The following TLCD5 variants were observed in gnomAD, a reference collection of about 807,000 sequenced individuals.
The protein encoded by TLCD5 is TLC domain-containing protein 5.
A neutral mutation model predicts 20.5 loss-of-function variants in TLCD5; 15 were observed. That is an observed-to-expected ratio of 0.73 (90% confidence interval 0.49 to 1.13). TLCD5 has a LOEUF of 1.13. Among genes scored for constraint, TLCD5 ranks in the 50% most tolerant of loss-of-function variants. The probability of loss-of-function intolerance (pLI) is 0.00; values close to 1 mark genes in which losing one functional copy is unlikely to be tolerated. For synonymous variants in TLCD5, 107 were observed against 114.7 expected, an observed-to-expected ratio of 0.93 and a Z score of 0.43; for missense variants, 289 against 305.6, an observed-to-expected ratio of 0.95 and a Z score of 0.41.
At chr11:120,325,657 A>C (rs559758944) in intron 1 of TLCD5, among the ~76,000 whole-genome samples, 45 of 152,222 alleles carry the variant, frequency 3.0e-4, no homozygotes, top group Non-Finnish European at 5.4e-4. Context: ...GCTCGCCGCC[A>C]GCCACGCCTG....
intron 2 of TLCD5, among the ~76,000 whole-genome samples, chr11:120,328,708 T>C (rs1942061125): frequency 3.3e-5 from 5 of 150,996 alleles, no homozygotes; most frequent in Non-Finnish European, 4.4e-5. Flanking sequence ...TGTGTGTGTG[T>C]ATGTTTATGT....
rs1565399900 is a variant in TLCD5 at position 120,328,677 on chromosome 11, T to TTGTGTGTG, written c.199+1037_199+1038insTGTGTGTG. On this transcript the variant is annotated intron_variant, in intron 2 of 2. Transcript: ENST00000375095. ...TAATCCCTTCTAAGGATAACAGTCA[T>TTGTGTGTG]AGTGTGTGTGTGTGTGTGTGTGTGT... Among the ~76,000 whole-genome samples the TTGTGTGTG allele has an allele frequency of 2.8e-4, 26 of 91,768 alleles. 1 individual carries two copies. Among genetic ancestry groups the TTGTGTGTG allele is most frequent in the African/African-American group, 1.3e-3 (26 of 19,912 alleles). 60.2% of individuals were successfully genotyped at this position (91,768 alleles called of 152,430 possible).
At chr11:120,329,838 C>T in intron 2 of TLCD5, 139 bp from the exon 3 acceptor site, 1 of 803,596 alleles carries the variant, frequency 1.2e-6, no homozygotes, top group Non-Finnish European at 2.0e-6. Context: ...TTCTTTGGTC[C>T]TCATTAAAAA....
intron 2 of TLCD5, among the ~76,000 whole-genome samples, chr11:120,329,565 A>T (rs1942102123): frequency 6.6e-6 from 1 of 152,244 alleles, no homozygotes; most frequent in African/African-American, 2.4e-5. Context: ...AAGCTGAGAA[A>T]AAAATCTGAC....
At chr11:120,328,563 G>A (rs765808861) in intron 2 of TLCD5, among the ~76,000 whole-genome samples, 1 of 151,054 alleles carries the variant, frequency 6.6e-6, no homozygotes, top group Non-Finnish European at 1.5e-5. Flanking sequence ...GCACATGGCC[G>A]CTCTCCCACT....
intron 1 of TLCD5, 182 bp from the exon 2 acceptor site, chr11:120,327,259 G>T: frequency 9.1e-7 from 1 of 1,095,748 alleles, no homozygotes; most frequent in Non-Finnish European, 1.3e-6. Flanking sequence ...TGAGGAACTT[G>T]GAATGATAAA....
intron 2 of TLCD5, among the ~76,000 whole-genome samples, chr11:120,328,229 G>A (rs1167935468): frequency 1.3e-5 from 2 of 151,878 alleles, no homozygotes; most frequent in East Asian, 1.9e-4. Context: ...ACAGGTGCCC[G>A]CCACCATGCC....
rs1490350633 is a variant in TLCD5, at chr11:120,332,376, T to A, written c.*1861T>A. On this transcript the variant is annotated 3_prime_UTR_variant, in exon 3 of 3. Coordinates refer to ENST00000375095, the MANE Select transcript of TLCD5 (RefSeq NM_001198671.2). This position sits in a 1 kb window ranked among gnomAD's most constrained non-coding sequence, Gnocchi z 4.2. ...TATTTATGTATTTATTGATTATTTA[T>A]TTTTACCATGTTATTGAAGTCAATG... The A allele has an allele frequency of 2.0e-5, 3 of 152,230 alleles. No individual in the cohort carries two copies. The highest frequency in any genetic ancestry group is 4.4e-5 in the Non-Finnish European group (3 of 68,034). The allele number at this position is 152,230 out of a possible 1,614,324, so 9.4% of individuals were successfully genotyped here. A position where few individuals can be genotyped will look rare whatever the true frequency, so the allele number is the denominator to read the frequency against.
At chr11:120,327,390 T>C in intron 1 of TLCD5, 51 bp from the exon 2 acceptor site, 1 of 1,613,668 alleles carries the variant, frequency 6.2e-7, no homozygotes, top group Non-Finnish European at 8.5e-7. Flanking sequence ...CCCAGTGCTG[T>C]TTTCTTAGGG....
At position 120,327,555 on chromosome 11, in the gene TLCD5, G is replaced by T. The variant is rs1036675803; in HGVS notation, c.114G>T (p.Leu38=). ...KHRSYEWSCR[L]VTFTHGVLSI... The stretch of plus-strand genomic sequence containing the variant: ...GAAGCTATGAGTGGAGCTGCCGCCT[G>T]GTCACCTTCACCCATGGAGTCCTCT... The change falls in exon 2 of 3, where the codon CTG becomes CTT. Residue 38 remains leucine (L), a synonymous_variant. Coordinates refer to ENST00000375095, the MANE Select transcript of TLCD5 (RefSeq NM_001198671.2). The T allele has an allele frequency of 1.2e-6, 2 of 1,614,010 alleles. No individual in the cohort carries two copies. The highest frequency in any genetic ancestry group is 2.7e-5 in the African/African-American group (2 of 74,910).
chr11:120,329,378 A>G (rs1942098526), intron 2 of TLCD5, among the ~76,000 whole-genome samples: 1 of 152,194 alleles, frequency 6.6e-6, no homozygotes, highest in African/African-American at 2.4e-5. Context: ...CTGTCAAACT[A>G]ATGAAACCAA....
At chr11:120,327,792 T>C (rs969461520) in intron 2 of TLCD5, 152 bp downstream of exon 2, 3 of 775,598 alleles carry the variant, frequency 3.9e-6, no homozygotes. Flanking sequence ...AACTCTGATA[T>C]TGTTTATGTC....
chr11:120,325,845 T>G (rs990769519), intron 1 of TLCD5, among the ~76,000 whole-genome samples: 2 of 152,270 alleles, frequency 1.3e-5, no homozygotes, highest in Non-Finnish European at 2.9e-5. Flanking sequence ...GTCTGCCATT[T>G]ACGAATGTCT....
Position 120,333,333 on chromosome 11 carries a change from G to T in TLCD5, c.*2818G>T, listed in dbSNP as rs1942196371. The T allele has an allele frequency of 6.6e-6, 1 of 152,118 alleles. No homozygotes were observed. Among genetic ancestry groups the T allele is most frequent in the South Asian group, 2.1e-4 (1 of 4,828 alleles). The allele number at this position is 152,118 out of a possible 1,614,324, so 9.4% of individuals were successfully genotyped here. Reference sequence around the variant, plus strand: ...GGACTGCAGATCTTGTTGTTTTGGGGACACTTTCATGGAACTGTATGTAGG... The same window carrying T: ...GGACTGCAGATCTTGTTGTTTTGGGTACACTTTCATGGAACTGTATGTAGG... On this transcript the variant is annotated 3_prime_UTR_variant, in exon 3 of 3. Transcript: ENST00000375095. The surrounding 1 kb of genome is among the most constrained non-coding windows in gnomAD (Gnocchi z 4.5).
chr11:120,327,158 T>C (rs1352910487), intron 1 of TLCD5: 4 of 577,996 alleles, frequency 6.9e-6, no homozygotes, highest in African/African-American at 1.9e-5. Context: ...TGACATTTAC[T>C]CATCATAAAA....
chr11:120,330,530 A>C lies in TLCD5; in HGVS notation c.*15A>C, dbSNP rs1006619668. 1.3e-6 allele frequency: 2 copies of C among 1,596,034 alleles called. No individual in the cohort carries two copies. The highest frequency in any genetic ancestry group is 1.7e-6 in the Non-Finnish European group (2 of 1,169,996). On this transcript the variant is annotated 3_prime_UTR_variant, in exon 3 of 3. Transcript: ENST00000375095. ...AAATACACTAGCCAAGGCTTGCTCC[A>C]GATTATGGATTGGGTTAAGTCAGCC...
In TLCD5 at chr11:120,330,194, G is replaced by C; in HGVS notation, c.417G>C (p.Leu139Phe). 1 of 1,571,896 alleles carries C rather than the reference G, an allele frequency of 6.4e-7. No individual in the cohort carries two copies. The highest frequency in any genetic ancestry group is 1.9e-5 in the Admixed American group (1 of 52,800). Residue 139 changes from leucine to phenylalanine, a missense_variant, in exon 3 of 3, where the codon TTG becomes TTC. Transcript: ENST00000375095. ...TTGGAAGTGAGCTTACCAACCCCTT[G>C]CTACAGATGCGCTGGTTTCTCCGGG... ...VLFGSELTNP[L>F]LQMRWFLRET...
rs201597428 is a variant in TLCD5 at position 120,327,551 on chromosome 11, G to A, written c.110G>A (p.Arg37His). The A allele has an allele frequency of 2.8e-5, 45 of 1,614,020 alleles. 1 individual carries two copies. In the Admixed American group the frequency reaches 3.0e-4, roughly 11 times the overall value. Residue 37 changes from arginine to histidine, a missense_variant, in exon 2 of 3, where the codon CGC becomes CAC. Transcript: ENST00000375095. ...NKHRSYEWSCRLVTFTHGVLS... is the reference protein window; with the variant it reads ...NKHRSYEWSCHLVTFTHGVLS... Reference sequence around the variant, plus strand: ...CACCGAAGCTATGAGTGGAGCTGCCGCCTGGTCACCTTCACCCATGGAGTC... The same window carrying A: ...CACCGAAGCTATGAGTGGAGCTGCCACCTGGTCACCTTCACCCATGGAGTC...
chr11:120,326,577 T>C (rs1032703290), intron 1 of TLCD5, among the ~76,000 whole-genome samples: 1 of 152,238 alleles, frequency 6.6e-6, no homozygotes, highest in Non-Finnish European at 1.5e-5. Flanking sequence ...GAATACTAAC[T>C]AATAACAACA....
Sources: gnomAD v4.1 joint callset for allele counts (sites outside exome capture counted in the v4.1 genomes callset) on GRCh38, gnomAD v4.1.1 for gene constraint, Gnocchi (gnomAD v3.1) non-coding constraint, MANE v1.5 for transcripts, NCBI Gene and HGNC (gene_info 2026-07-23, HGNC 2026-07-21) for gene names.